The following ZHX2 variants were observed in gnomAD, a reference collection of about 807,000 sequenced individuals.
ZHX2 encodes zinc fingers and homeoboxes 2.
ZHX2 carries 6 observed loss-of-function variants against 21.9 expected under a neutral mutation model. That is an observed-to-expected ratio of 0.27 (90% confidence interval 0.15 to 0.54). ZHX2 has a LOEUF of 0.54. Ranked by LOEUF, ZHX2 falls within the 20% of genes least tolerant of loss-of-function variation. The probability of loss-of-function intolerance (pLI) is 0.95; values close to 1 mark genes in which losing one functional copy is unlikely to be tolerated. For synonymous variants in ZHX2, 434 were observed against 437.1 expected, an observed-to-expected ratio of 0.99 and a Z score of 0.09; for missense variants, 908 against 1,090.7, an observed-to-expected ratio of 0.83 and a Z score of 2.36.
intron 1 of ZHX2, among the ~76,000 whole-genome samples, chr8:122,784,620 T>C (rs1205719242): frequency 1.3e-5 from 2 of 152,268 alleles, no homozygotes; most frequent in African/African-American, 4.8e-5. Context: ...CAACTGTGTG[T>C]TGATTTATTT....
At chr8:122,819,968 G>C (rs1398495837) in intron 1 of ZHX2, among the ~76,000 whole-genome samples, 1 of 151,270 alleles carries the variant, frequency 6.6e-6, no homozygotes, top group African/African-American at 2.4e-5. Context: ...CCTCCCATCT[G>C]CCTAGCTAAA....
chr8:122,909,363 G>A (rs1313192031), intron 2 of ZHX2, among the ~76,000 whole-genome samples: 1 of 151,880 alleles, frequency 6.6e-6, no homozygotes, highest in Non-Finnish European at 1.5e-5. Context: ...AACCCAGGAG[G>A]TGGAGGTTGC....
chr8:122,931,444 C>T (rs1181713165), intron 2 of ZHX2, among the ~76,000 whole-genome samples: 12 of 152,078 alleles, frequency 7.9e-5, no homozygotes, highest in Admixed American at 5.2e-4. Context: ...TAATGTTGCA[C>T]GCCTTATGTC....
intron 1 of ZHX2, among the ~76,000 whole-genome samples, chr8:122,793,969 T>C (rs1010167189): frequency 1.3e-5 from 2 of 152,196 alleles, no homozygotes; most frequent in South Asian, 2.1e-4. Context: ...TGTTGGGAGA[T>C]ACCTTTTGTC....
chr8:122,825,538 T>C (rs1818244495), intron 1 of ZHX2, among the ~76,000 whole-genome samples: 1 of 152,208 alleles, frequency 6.6e-6, no homozygotes, highest in Admixed American at 6.5e-5. Flanking sequence ...CAGGCCTCTC[T>C]GAGGTCAAGA....
At chr8:122,905,690 G>A (rs1820330630) in intron 2 of ZHX2, among the ~76,000 whole-genome samples, 2 of 152,204 alleles carry the variant, frequency 1.3e-5, no homozygotes, top group African/African-American at 4.8e-5. Flanking sequence ...AAGGAAGAGA[G>A]GAATGACTTG....
At chr8:122,950,591 T>C (rs1813085016) in intron 2 of ZHX2, among the ~76,000 whole-genome samples, 1 of 151,974 alleles carries the variant, frequency 6.6e-6, no homozygotes. Context: ...AAAATAAAAT[T>C]TTAAAAAAGT....
chr8:122,953,052 G>A lies in ZHX2; in HGVS notation c.1542G>A (p.Ala514=), dbSNP rs201353584. 2.4e-5 allele frequency: 38 copies of A among 1,613,998 alleles called. No individual in the cohort carries two copies. Among genetic ancestry groups the A allele is most frequent in the East Asian group, 1.3e-4 (6 of 44,848 alleles). ...ESLAKDQLAI[A]ASRHGRTYHA... ...TTGCCAAAGACCAGTTGGCCATCGC[G>A]GCCTCCCGACACGGTCGCACGTATC... is the stretch of plus-strand genomic sequence containing the variant. The change falls in exon 3 of 4, where the codon GCG becomes GCA. Residue 514 remains alanine, a synonymous_variant. Coordinates refer to ENST00000314393, the MANE Select transcript of ZHX2 (RefSeq NM_014943.5). This position sits in a 1 kb window ranked among gnomAD's most constrained non-coding sequence, Gnocchi z 4.6.
At chr8:122,806,250 G>A (rs1034850156) in intron 1 of ZHX2, among the ~76,000 whole-genome samples, 13 of 152,150 alleles carry the variant, frequency 8.5e-5, no homozygotes, top group African/African-American at 2.7e-4. Flanking sequence ...TGGGGCTTAG[G>A]TTGAACTGTG....
intron 2 of ZHX2, among the ~76,000 whole-genome samples, chr8:122,872,178 G>A (rs1017732300): frequency 8.5e-5 from 13 of 152,196 alleles, no homozygotes; most frequent in African/African-American, 3.1e-4. Flanking sequence ...AACCTATGGG[G>A]TGACTGAACT....
At chr8:122,940,163 A>G (rs1482945974) in intron 2 of ZHX2, among the ~76,000 whole-genome samples, 1 of 152,176 alleles carries the variant, frequency 6.6e-6, no homozygotes, top group Non-Finnish European at 1.5e-5. Flanking sequence ...ACTCCTAGTA[A>G]GTAATGAAGC....
chr8:122,890,810 A>G (rs954483563), intron 2 of ZHX2, among the ~76,000 whole-genome samples: 1 of 152,138 alleles, frequency 6.6e-6, no homozygotes, highest in Non-Finnish European at 1.5e-5. Context: ...TTGATTTTGC[A>G]TCCTTCAACT....
chr8:122,868,736 G>A (rs1819360259), intron 2 of ZHX2, among the ~76,000 whole-genome samples: 2 of 151,704 alleles, frequency 1.3e-5, no homozygotes, highest in African/African-American at 4.8e-5. Context: ...CAGACATGGC[G>A]GGGCTCACCT....
At position 122,874,114 on chromosome 8, in the gene ZHX2, A is replaced by G. The variant is rs1001745382; in HGVS notation, c.-220+10575A>G. Reference sequence around the variant, plus strand: ...TCTGAGAAGGGGGAAAGAGTAGACAAGGAGTTGAATCTGTGACTGCCTGTG... The same window carrying G: ...TCTGAGAAGGGGGAAAGAGTAGACAGGGAGTTGAATCTGTGACTGCCTGTG... On this transcript the variant is annotated intron_variant, in intron 2 of 3. Coordinates refer to ENST00000314393, the MANE Select transcript of ZHX2 (RefSeq NM_014943.5). Among the ~76,000 whole-genome samples the G allele has an allele frequency of 2.0e-4, 30 of 152,240 alleles. 1 individual carries two copies. The highest frequency in any genetic ancestry group is 1.0e-3 in the Admixed American group (16 of 15,282).
intron 2 of ZHX2, among the ~76,000 whole-genome samples, chr8:122,906,714 A>C (rs1250471555): frequency 7.9e-6 from 1 of 127,168 alleles, no homozygotes; most frequent in Non-Finnish European, 1.6e-5. Context: ...TCTGTCACCC[A>C]GGCTGGAGTA....
intron 2 of ZHX2, among the ~76,000 whole-genome samples, chr8:122,930,638 A>ATT (rs1820962318): frequency 1.3e-5 from 2 of 148,256 alleles, no homozygotes; most frequent in African/African-American, 2.5e-5. Context: ...CGCCTGGCTA[A>ATT]TTTTTGTTTT....
At chr8:122,962,922 CTTCTT>C (rs923990134) in intron 3 of ZHX2, among the ~76,000 whole-genome samples, 2 of 151,670 alleles carry the variant, frequency 1.3e-5, no homozygotes, top group African/African-American at 4.8e-5. Context: ...ATTCATATAT[CTTCTT>C]TTGAGAATTG....
At chr8:122,805,167 G>C (rs1817799000) in intron 1 of ZHX2, among the ~76,000 whole-genome samples, 1 of 152,166 alleles carries the variant, frequency 6.6e-6, no homozygotes, top group African/African-American at 2.4e-5. Flanking sequence ...GGGGGTGGGG[G>C]TGGGGCAGCA....
chr8:122,949,017 A>T (rs545175570), intron 2 of ZHX2, among the ~76,000 whole-genome samples: 2 of 152,318 alleles, frequency 1.3e-5, no homozygotes, highest in Admixed American at 1.3e-4. Flanking sequence ...AATATATAAT[A>T]TGCACAACTA....
Sources: gnomAD v4.1 joint callset for allele counts (sites outside exome capture counted in the v4.1 genomes callset) on GRCh38, gnomAD v4.1.1 for gene constraint, Gnocchi (gnomAD v3.1) non-coding constraint, MANE v1.5 for transcripts, NCBI Gene and HGNC (gene_info 2026-07-23, HGNC 2026-07-21) for gene names.